The following NELL1 variants were observed in gnomAD, a reference collection of about 807,000 sequenced individuals.
NELL1 encodes protein kinase C-binding protein NELL1.
NELL1 carries 76 observed loss-of-function variants against 107.4 expected under a neutral mutation model. The ratio of observed to expected loss-of-function variants is 0.71; its 90% confidence interval spans 0.59 to 0.86. NELL1 has a LOEUF of 0.86. NELL1 is among the 40% of genes least tolerant of loss of function. The pLI is 0.00. For synonymous variants in NELL1, 353 were observed against 341.2 expected (o/e 1.03, Z -0.38); for missense variants, 1,024 against 1,005.5 (o/e 1.02, Z -0.25).
chr11:21,095,951 C>T (rs1197389267), intron 12 of NELL1, among the ~76,000 whole-genome samples: 2 of 152,092 alleles, frequency 1.3e-5, no homozygotes, highest in East Asian at 1.9e-4. Context: ...AGAGAGAGCT[C>T]GTGTAGGGGA....
chr11:21,326,057 T>G lies in NELL1; in HGVS notation c.1550-44796T>G, dbSNP rs1035236685. Among the ~76,000 whole-genome samples, 86 of 76,300 alleles carry G rather than the reference T, an allele frequency of 1.1e-3. 1 individual carries two copies. The highest frequency in any genetic ancestry group is 1.6e-3 in the South Asian group (3 of 1,848). 50.1% of individuals were successfully genotyped at this position (76,300 alleles called of 152,430 possible). A position where few individuals can be genotyped will look rare whatever the true frequency, so the allele number is the denominator to read the frequency against. On this transcript the variant is annotated intron_variant, in intron 14 of 19. Transcript: ENST00000357134. The stretch of plus-strand genomic sequence containing the variant: ...TATTTGTGTTAATCCTAGTTTTTTT[T>G]TTTTTTTTTTTTTTTTTTTTTTTTG...
intron 5 of NELL1, among the ~76,000 whole-genome samples, chr11:20,895,099 G>A (rs1215261486): frequency 2.1e-5 from 3 of 142,910 alleles, no homozygotes; most frequent in Admixed American, 1.4e-4. Flanking sequence ...GTGAAACCCC[G>A]TCTCTACTAA....
chr11:21,057,213 C>T (rs1274889558), intron 12 of NELL1, among the ~76,000 whole-genome samples: 1 of 151,922 alleles, frequency 6.6e-6, no homozygotes, highest in East Asian at 1.9e-4. Flanking sequence ...ATAAATGGCC[C>T]ATTGAAAACT....
At chr11:20,864,707 G>C (rs1001249768) in intron 4 of NELL1, among the ~76,000 whole-genome samples, 1 of 152,160 alleles carries the variant, frequency 6.6e-6, no homozygotes, top group Admixed American at 6.5e-5. Flanking sequence ...ATACATAAAG[G>C]GCCATGGCAG....
At chr11:21,174,957 T>C (rs1856682108) in intron 13 of NELL1, among the ~76,000 whole-genome samples, 1 of 151,708 alleles carries the variant, frequency 6.6e-6, no homozygotes. Flanking sequence ...TGTACCTTAA[T>C]TATGAGTAGT....
chr11:21,304,833 A>G (rs145449969), intron 14 of NELL1, among the ~76,000 whole-genome samples: 1 of 151,818 alleles, frequency 6.6e-6, no homozygotes, highest in East Asian at 1.9e-4. Context: ...CACATGGGAG[A>G]CTCCTAATAA....
At chr11:21,450,511 T>A (rs563672814) in intron 15 of NELL1, among the ~76,000 whole-genome samples, 4 of 152,340 alleles carry the variant, frequency 2.6e-5, no homozygotes, top group South Asian at 4.1e-4. Flanking sequence ...CATATGATGA[T>A]ACTAATTGCA....
chr11:21,147,766 G>A lies in NELL1; in HGVS notation c.1426+34052G>A, dbSNP rs977979708. On this transcript the variant is annotated intron_variant, in intron 13 of 19. Transcript: ENST00000357134. ...CAGGAGAATTGCTTGAACCCGGGAG[G>A]TGGAGGTTGTGGTGAGCTGAGATGG... Among the ~76,000 whole-genome samples, 6 of 147,290 alleles carry A rather than the reference G, an allele frequency of 4.1e-5. No individual in the cohort carries two copies. In the Admixed American group the frequency reaches 4.1e-4, roughly 10 times the overall value.
intron 5 of NELL1, among the ~76,000 whole-genome samples, chr11:20,891,025 C>T (rs1849606298): frequency 6.6e-6 from 1 of 152,048 alleles, no homozygotes; most frequent in Non-Finnish European, 1.5e-5. Context: ...TTAAGATACT[C>T]TACGAGAAGA....
At chr11:21,547,678 T>G (rs1203693575) in intron 16 of NELL1, among the ~76,000 whole-genome samples, 1 of 151,990 alleles carries the variant, frequency 6.6e-6, no homozygotes, top group East Asian at 1.9e-4. Context: ...TTCCTTTTGC[T>G]TCAAATGACT....
intron 15 of NELL1, among the ~76,000 whole-genome samples, chr11:21,468,247 C>T (rs975138294): frequency 1.3e-5 from 2 of 151,926 alleles, no homozygotes; most frequent in Non-Finnish European, 2.9e-5. Context: ...AGAATTTATT[C>T]TTAGAATTTG....
chr11:20,943,338 A>C (rs1850896002), intron 10 of NELL1, among the ~76,000 whole-genome samples: 1 of 152,084 alleles, frequency 6.6e-6, no homozygotes, highest in Non-Finnish European at 1.5e-5. Context: ...GCGGGTCAGC[A>C]CTTTGGGAGG....
At chr11:20,786,811 A>C (rs367920768) in intron 3 of NELL1, among the ~76,000 whole-genome samples, 18 of 151,932 alleles carry the variant, frequency 1.2e-4, no homozygotes, top group Non-Finnish European at 2.1e-4. Context: ...GATCGAGACC[A>C]TCCTGGCTAA....
chr11:21,062,076 C>T (rs1343344753), intron 12 of NELL1, among the ~76,000 whole-genome samples: 3 of 152,078 alleles, frequency 2.0e-5, no homozygotes, highest in African/African-American at 7.2e-5. Flanking sequence ...ACTATGCATC[C>T]AATATGGTGG....
At chr11:21,430,056 CCA>C (rs1041344833) in intron 15 of NELL1, among the ~76,000 whole-genome samples, 7 of 152,170 alleles carry the variant, frequency 4.6e-5, no homozygotes, top group Non-Finnish European at 7.3e-5. Context: ...TCATTCATTT[CCA>C]CAGATATTAG....
chr11:21,566,349 T>C (rs985667220), intron 17 of NELL1, among the ~76,000 whole-genome samples: 2 of 151,874 alleles, frequency 1.3e-5, no homozygotes, highest in East Asian at 1.9e-4. Flanking sequence ...TACTGATATA[T>C]TGACTGAAAT....
intron 13 of NELL1, among the ~76,000 whole-genome samples, chr11:21,189,681 C>CTTTTTTT (rs58557342): frequency 1.4e-5 from 2 of 141,494 alleles, no homozygotes. Flanking sequence ...TTGTTTCTTC[C>CTTTTTTT]TTTTTTTTTT....
chr11:21,127,294 A>C lies in NELL1; in HGVS notation c.1426+13580A>C, dbSNP rs565127351. Among the ~76,000 whole-genome samples the C allele has an allele frequency of 1.9e-3, 293 of 152,284 alleles. 1 individual carries two copies. Among genetic ancestry groups the C allele is most frequent in the African/African-American group, 6.8e-3 (281 of 41,560 alleles). Reference sequence around the variant, plus strand: ...ATACTATAGTAACATTAAGAAATTTAGAAGAATAAGAAGAAAATAGGCTAT... The same window carrying C: ...ATACTATAGTAACATTAAGAAATTTCGAAGAATAAGAAGAAAATAGGCTAT... On this transcript the variant is annotated intron_variant, in intron 13 of 19. Transcript: ENST00000357134.
At chr11:21,263,457 C>T (rs1355870085) in intron 14 of NELL1, among the ~76,000 whole-genome samples, 2 of 151,998 alleles carry the variant, frequency 1.3e-5, no homozygotes, top group Non-Finnish European at 2.9e-5. Flanking sequence ...AATTCCTGCC[C>T]AGGCAATAAA....
Sources: allele counts gnomAD v4.1 joint callset (sites outside exome capture counted in the v4.1 genomes callset), GRCh38; gene constraint gnomAD v4.1.1; transcripts MANE v1.5; gene names NCBI Gene and HGNC (gene_info 2026-07-23, HGNC 2026-07-21).